CASK: variants seen among roughly 807,000 people sequenced by gnomAD.
CASK encodes peripheral plasma membrane protein CASK.
Under a neutral mutation model 82.9 loss-of-function variants are expected in CASK, and 4 were observed. That is an observed-to-expected ratio of 0.05 (90% confidence interval 0.02 to 0.11). CASK has a LOEUF of 0.11. CASK is among the 10% of genes least tolerant of loss of function. The pLI, the probability that CASK is intolerant of heterozygous loss-of-function variation, is 1.00. For synonymous variants in CASK, 259 were observed against 253.5 expected (o/e 1.02, Z -0.20); for missense variants, 358 against 720.9 (o/e 0.50, Z 5.76).
At position 41,583,249 on chromosome X, in the gene CASK, C is replaced by T. The variant is rs750085643; in HGVS notation, c.1314+3658G>A. Among the ~76,000 whole-genome samples, 9 of 111,297 alleles carry T rather than the reference C, an allele frequency of 8.1e-5. 1 individual carries two copies. The South Asian group carries it at 3.4e-3, about 42-fold the overall frequency. On this transcript the variant is annotated intron_variant, in intron 14 of 26. Transcript: ENST00000378163. ...TATCGAGACTTAGAAGACAGATAAG[C>T]TGTCATACAATGGGCTATATGAGCC...
intron 8 of CASK, 122 bp downstream of exon 8, chrX:41,660,317 A>G: frequency 1.0e-5 from 6 of 588,038 alleles, no homozygotes; most frequent in Non-Finnish European, 1.7e-5. Context: ...AGATGAAAAA[A>G]ACTAATGAAA....
intron 16 of CASK, chrX:41,562,993 G>A (rs187074569): frequency 3.3e-3 from 290 of 87,578 alleles, no homozygotes; most frequent in Non-Finnish European, 4.6e-3. Flanking sequence ...GGAAGCAGAG[G>A]TTGCACCATT....
At chrX:41,810,887 A>G (rs2070264302) in intron 2 of CASK, among the ~76,000 whole-genome samples, 1 of 111,798 alleles carries the variant, frequency 8.9e-6, no homozygotes, top group African/African-American at 3.3e-5. Context: ...ATGGAGGAAG[A>G]TCTACCAAGC....
chrX:41,855,314 C>T (rs2071347291), intron 1 of CASK, among the ~76,000 whole-genome samples: 1 of 111,793 alleles, frequency 8.9e-6, no homozygotes, highest in South Asian at 3.8e-4. Flanking sequence ...TATCTATGAA[C>T]TACTGAAGAC....
At chrX:41,873,770 CA>C (rs1449574433) in intron 1 of CASK, among the ~76,000 whole-genome samples, 3 of 105,873 alleles carry the variant, frequency 2.8e-5, no homozygotes, top group African/African-American at 1.0e-4. Flanking sequence ...AAAGTAATTG[CA>C]GTTTTTGTTG....
chrX:41,622,811 A>G (rs1411787591), intron 10 of CASK, among the ~76,000 whole-genome samples, 177 bp from the exon 11 acceptor site: 1 of 111,422 alleles, frequency 9.0e-6, no homozygotes, highest in East Asian at 2.8e-4. Context: ...GGGATTTCAG[A>G]CATCAAACGT....
intron 13 of CASK, chrX:41,588,598 T>C (rs1177327146): frequency 9.0e-6 from 1 of 111,593 alleles, no homozygotes; most frequent in Middle Eastern, 4.2e-3. Context: ...GTACACCATC[T>C]TCCAGTACAG....
intron 2 of CASK, among the ~76,000 whole-genome samples, chrX:41,841,713 AG>A (rs1411880390): frequency 9.0e-6 from 1 of 110,538 alleles, no homozygotes; most frequent in Non-Finnish European, 1.9e-5. Flanking sequence ...TAGTAGAGAC[AG>A]GGTTTTGCCA....
In CASK at chrX:41,590,772, C is replaced by T. The variant is rs755460185; in HGVS notation, c.1156-1180G>A. 2.7e-5 allele frequency among the ~76,000 whole-genome samples: 3 copies of T among 109,824 alleles called. No homozygotes were observed. In the South Asian group the frequency reaches 1.1e-3, roughly 42 times the overall value. On this transcript the variant is annotated intron_variant, in intron 12 of 26. Transcript: ENST00000378163. ...TAAAACAGGTGGGGATTTTCGTGGT[C>T]GGTTTTATTCTTTTTTTTTTCTTCA...
At chrX:41,754,130 C>T (rs1037292401) in intron 3 of CASK, among the ~76,000 whole-genome samples, 2 of 110,751 alleles carry the variant, frequency 1.8e-5, no homozygotes, top group Admixed American at 9.6e-5. Flanking sequence ...AAGTGCAGTG[C>T]CTCACACCTG....
At chrX:41,527,191 G>A (rs1209468793) in intron 25 of CASK, among the ~76,000 whole-genome samples, 2 of 110,207 alleles carry the variant, frequency 1.8e-5, no homozygotes, top group East Asian at 6.0e-4. Context: ...GAGAGACGGG[G>A]ACAGAGAGAG....
intron 3 of CASK, among the ~76,000 whole-genome samples, chrX:41,746,807 A>G (rs954356986): frequency 1.3e-4 from 15 of 111,619 alleles, no homozygotes; most frequent in Non-Finnish European, 2.6e-4. Flanking sequence ...GCCTCCCTTC[A>G]TACTTATAAC....
At chrX:41,758,126 G>T (rs962833124) in intron 3 of CASK, among the ~76,000 whole-genome samples, 1 of 111,745 alleles carries the variant, frequency 8.9e-6, no homozygotes, top group Non-Finnish European at 1.9e-5. Context: ...CTACATTACA[G>T]AAGGAGAGAT....
intron 5 of CASK, among the ~76,000 whole-genome samples, chrX:41,693,303 G>A (rs2067612009): frequency 9.0e-6 from 1 of 111,089 alleles, no homozygotes; most frequent in South Asian, 3.8e-4. Flanking sequence ...TTTCTAGATT[G>A]CCCTTTCCTT....
chrX:41,872,241 C>G (rs1313628435), intron 1 of CASK, among the ~76,000 whole-genome samples: 10 of 112,568 alleles, frequency 8.9e-5, no homozygotes, highest in African/African-American at 3.2e-4. Flanking sequence ...TTAGATGTTC[C>G]CAACAAGTTT....
intron 1 of CASK, among the ~76,000 whole-genome samples, chrX:41,894,597 T>TAAAAAAA (rs1209248352): frequency 4.9e-5 from 2 of 40,483 alleles, no homozygotes; most frequent in Non-Finnish European, 9.3e-5. Flanking sequence ...ACCCAAATAT[T>TAAAAAAA]AAAAAAAAAA....
chrX:41,913,273 C>T (rs2072616541), intron 1 of CASK, among the ~76,000 whole-genome samples: 1 of 112,247 alleles, frequency 8.9e-6, no homozygotes, highest in South Asian at 3.7e-4. Flanking sequence ...GGGTGCAGCA[C>T]ACCAACATGG....
chrX:41,915,967 G>A (rs770709730), intron 1 of CASK, among the ~76,000 whole-genome samples: 1 of 111,104 alleles, frequency 9.0e-6, no homozygotes, highest in South Asian at 3.8e-4. Context: ...CAGCCTGGGC[G>A]ACAGAGTGAG....
chrX:41,640,349 G>A (rs768773614), intron 8 of CASK, among the ~76,000 whole-genome samples: 20 of 110,275 alleles, frequency 1.8e-4, no homozygotes, highest in East Asian at 5.7e-4. Flanking sequence ...GACTACAGGC[G>A]CCTGCCACCA....
Sources: gnomAD v4.1 joint callset for allele counts (sites outside exome capture counted in the v4.1 genomes callset) on GRCh38, gnomAD v4.1.1 for gene constraint, MANE v1.5 for transcripts, NCBI Gene and HGNC (gene_info 2026-07-23, HGNC 2026-07-21) for gene names.